SNTG2: variants seen among roughly 807,000 people sequenced by gnomAD.
SNTG2 encodes the protein syntrophin gamma 2, also known as gamma-2-syntrophin.
In SNTG2, 74 loss-of-function variants were observed where a neutral mutation model predicts 70.9. The ratio of observed to expected loss-of-function variants is 1.04; its 90% CI spans 0.86 to 1.27. The LOEUF (loss-of-function observed/expected upper bound fraction) is 1.27. SNTG2 is among the 50% of genes most tolerant of loss of function. The pLI is 0.00. For synonymous variants in SNTG2, 278 were observed against 273.8 expected (o/e 1.02, Z -0.15); for missense variants, 717 against 690.7 (o/e 1.04, Z -0.43).
chr2:1,094,057 G>T (rs7557013), intron 2 of SNTG2, among the ~76,000 whole-genome samples: 1 of 75,502 alleles, frequency 1.3e-5, no homozygotes, highest in Non-Finnish European at 2.4e-5. Context: ...GCTTGCAGGC[G>T]AAGGCCTTAT....
intron 12 of SNTG2, among the ~76,000 whole-genome samples, chr2:1,251,381 GTC>G (rs1487408002): frequency 6.6e-6 from 1 of 151,800 alleles, no homozygotes; most frequent in Non-Finnish European, 1.5e-5. Context: ...AAGCTTTTGA[GTC>G]TAGTAGTGCT....
At chr2:1,325,751 T>C (rs1681731852) in intron 16 of SNTG2, among the ~76,000 whole-genome samples, 1 of 152,194 alleles carries the variant, frequency 6.6e-6, no homozygotes, top group African/African-American at 2.4e-5. Context: ...AAAGACTCAA[T>C]TGGCAAAGAA....
chr2:1,196,258 AAGT>A (rs1672901424), intron 8 of SNTG2, among the ~76,000 whole-genome samples: 1 of 152,198 alleles, frequency 6.6e-6, no homozygotes, highest in Non-Finnish European at 1.5e-5. Flanking sequence ...TTCAGCAATA[AAGT>A]AGATCAAGCA....
At chr2:1,330,720 A>C (rs1208380608) in intron 16 of SNTG2, among the ~76,000 whole-genome samples, 3 of 152,206 alleles carry the variant, frequency 2.0e-5, no homozygotes, top group Admixed American at 6.5e-5. Context: ...CATTGTGACC[A>C]TTGTTTTTTA....
In SNTG2 at chr2:1,221,441, C is replaced by CTGTCTG. The variant is rs1674813946; in HGVS notation, c.719+12216_719+12217insGTGTCT. ...GTTTTGTCTCTGTCTCTCTCTGTCT[C>CTGTCTG]TGTCTCTGTCTCTCTCTGTCTCTGT... On this transcript the variant is annotated intron_variant, in intron 9 of 16. Coordinates refer to ENST00000308624, the MANE Select transcript of SNTG2 (RefSeq NM_018968.4). 2.1e-5 allele frequency among the ~76,000 whole-genome samples: 3 copies of CTGTCTG among 140,924 alleles called. 1 individual carries two copies. Among genetic ancestry groups the CTGTCTG allele is most frequent in the African/African-American group, 8.4e-5 (3 of 35,602 alleles). 92.5% of individuals were successfully genotyped at this position (140,924 alleles called of 152,430 possible).
In SNTG2 at chr2:1,074,026, C is replaced by G. The variant is rs115567896; in HGVS notation, c.73-9492C>G. 7.6e-3 allele frequency among the ~76,000 whole-genome samples: 1,155 copies of G among 152,252 alleles called. 17 individuals are homozygous for G. Among genetic ancestry groups the G allele is most frequent in the African/African-American group, 0.027 (1,105 of 41,524 alleles). ...ACAAGATAAAGATGTTGGATGGACT[C>G]TCAATATTGATATGTGGGTTCAAAA... On this transcript the variant is annotated intron_variant, in intron 1 of 16. Coordinates refer to ENST00000308624, the MANE Select transcript of SNTG2 (RefSeq NM_018968.4).
intron 4 of SNTG2, among the ~76,000 whole-genome samples, chr2:1,118,530 C>G (rs1410982870): frequency 3.9e-5 from 6 of 151,964 alleles, no homozygotes; most frequent in African/African-American, 1.5e-4. Flanking sequence ...AAAGGCACTA[C>G]TTAAAAATTA....
intron 14 of SNTG2, among the ~76,000 whole-genome samples, chr2:1,270,139 A>C (rs539838463): frequency 6.6e-6 from 1 of 152,210 alleles, no homozygotes; most frequent in African/African-American, 2.4e-5. Context: ...TGTTTCAGGA[A>C]CCCACCCTGC....
chr2:1,079,835 T>C (rs1227340504), intron 1 of SNTG2, among the ~76,000 whole-genome samples: 2 of 152,204 alleles, frequency 1.3e-5, no homozygotes, highest in East Asian at 3.9e-4. Context: ...TACATCAAGA[T>C]ATAACATCGA....
intron 6 of SNTG2, among the ~76,000 whole-genome samples, chr2:1,149,751 A>G (rs1558458554): frequency 6.8e-6 from 1 of 147,724 alleles, no homozygotes; most frequent in Admixed American, 7.0e-5. Flanking sequence ...GCAGTGGTGC[A>G]ATCTTGGCTC....
At chr2:1,084,893 A>G (rs908996516) in intron 2 of SNTG2, among the ~76,000 whole-genome samples, 8 of 152,138 alleles carry the variant, frequency 5.3e-5, no homozygotes, top group African/African-American at 1.7e-4. Context: ...GACCCCATTC[A>G]TGAGCTCACA....
intron 8 of SNTG2, among the ~76,000 whole-genome samples, chr2:1,197,761 C>T (rs562399774): frequency 1.3e-5 from 2 of 151,894 alleles, no homozygotes; most frequent in East Asian, 1.9e-4. Flanking sequence ...GTCAAACTCC[C>T]GGGCTCAAGT....
intron 4 of SNTG2, among the ~76,000 whole-genome samples, chr2:1,111,152 A>C (rs1383122570): frequency 6.6e-6 from 1 of 152,246 alleles, no homozygotes; most frequent in Non-Finnish European, 1.5e-5. Flanking sequence ...ATTGCTAATG[A>C]ATCAATGAAA....
chr2:1,182,326 A>G (rs1671960759), intron 8 of SNTG2, among the ~76,000 whole-genome samples: 1 of 148,792 alleles, frequency 6.7e-6, no homozygotes, highest in African/African-American at 2.5e-5. Context: ...AATATTTCTG[A>G]TAGTAAATCC....
intron 15 of SNTG2, among the ~76,000 whole-genome samples, chr2:1,313,598 A>G (rs760669775): frequency 3.4e-4 from 52 of 152,276 alleles, no homozygotes; most frequent in Non-Finnish European, 6.0e-4. Flanking sequence ...CCTTTTCTAC[A>G]GAAACATTGC....
At chr2:1,047,377 C>G (rs1354470927) in intron 1 of SNTG2, among the ~76,000 whole-genome samples, 1 of 152,162 alleles carries the variant, frequency 6.6e-6, no homozygotes, top group African/African-American at 2.4e-5. Context: ...TGGTTAAGAA[C>G]CATTGCTGGG....
intron 2 of SNTG2, among the ~76,000 whole-genome samples, chr2:1,096,486 C>T (rs1039679701): frequency 1.9e-4 from 29 of 152,116 alleles, no homozygotes; most frequent in African/African-American, 6.8e-4. Context: ...CCTCCGCCCC[C>T]CAACCCTGAA....
intron 1 of SNTG2, among the ~76,000 whole-genome samples, chr2:1,011,373 C>G (rs1659724461): frequency 6.6e-6 from 1 of 152,214 alleles, no homozygotes; most frequent in Admixed American, 6.5e-5. Flanking sequence ...ATTGACCATT[C>G]TCCTTTAACT....
chr2:1,025,055 C>T (rs7603971), intron 1 of SNTG2, among the ~76,000 whole-genome samples: 47,354 of 152,116 alleles, frequency 0.31, 7,762 homozygotes, highest in African/African-American at 0.4. Flanking sequence ...CCCCCACTCA[C>T]ACTGCCAAAA....
Sources: gnomAD v4.1 joint callset for allele counts (sites outside exome capture counted in the v4.1 genomes callset) on GRCh38, gnomAD v4.1.1 for gene constraint, MANE v1.5 for transcripts, NCBI Gene and HGNC (gene_info 2026-07-23, HGNC 2026-07-21) for gene names.